EYS: variants seen among roughly 807,000 people sequenced by gnomAD.
The protein encoded by EYS is protein eyes shut homolog.
EYS carries 250 observed loss-of-function variants against 282.1 expected under a neutral mutation model. The ratio of observed to expected loss-of-function variants is 0.89; its 90% confidence interval spans 0.80 to 0.98. EYS has a LOEUF of 0.98. Ranked by LOEUF, EYS falls within the 50% of genes least tolerant of loss-of-function variation. The pLI, the probability that EYS is intolerant of heterozygous loss-of-function variation, is 0.00. For missense variants in EYS, 4,016 were observed against 3,709.0 expected, an observed-to-expected ratio of 1.08 and a Z score of -2.15; for synonymous variants, 1,355 against 1,282.9, an observed-to-expected ratio of 1.06 and a Z score of -1.20.
At chr6:64,781,203 CA>C (rs1378987297) in intron 22 of EYS, among the ~76,000 whole-genome samples, 2 of 151,156 alleles carry the variant, frequency 1.3e-5, no homozygotes, top group Admixed American at 6.6e-5. Flanking sequence ...AAATAATGAA[CA>C]TTTTTTTTAG....
intron 29 of EYS, among the ~76,000 whole-genome samples, chr6:64,337,042 C>T (rs1770879285): frequency 6.6e-6 from 1 of 152,042 alleles, no homozygotes; most frequent in African/African-American, 2.4e-5. Flanking sequence ...CACAAACTGA[C>T]ATTCTAAGGT....
intron 40 of EYS, among the ~76,000 whole-genome samples, chr6:63,769,671 T>A (rs568256667): frequency 3.6e-4 from 55 of 152,240 alleles, no homozygotes; most frequent in African/African-American, 1.3e-3. Context: ...ATATAGTTAA[T>A]TATTTTACTT....
At chr6:65,496,811 T>C (rs1159567648) in intron 2 of EYS, among the ~76,000 whole-genome samples, 2 of 152,104 alleles carry the variant, frequency 1.3e-5, no homozygotes, top group Non-Finnish European at 2.9e-5. Flanking sequence ...TAAAGATCAA[T>C]TAAATGTTGT....
At chr6:64,630,430 G>A (rs762629239) in intron 22 of EYS, among the ~76,000 whole-genome samples, 1 of 151,962 alleles carries the variant, frequency 6.6e-6, no homozygotes, top group Admixed American at 6.6e-5. Context: ...TTTATGAGTG[G>A]AAATTAAGTT....
intron 35 of EYS, among the ~76,000 whole-genome samples, chr6:63,922,242 A>T (rs963481172): frequency 6.6e-6 from 1 of 152,328 alleles, no homozygotes; most frequent in Non-Finnish European, 1.5e-5. Context: ...TAGATTTGTT[A>T]TTATAGATTA....
chr6:63,852,885 CAT>C (rs1309442936), intron 36 of EYS, among the ~76,000 whole-genome samples: 4 of 152,304 alleles, frequency 2.6e-5, no homozygotes, highest in East Asian at 1.9e-4. Context: ...CAAAAAACCA[CAT>C]GATTATCCCT....
intron 35 of EYS, among the ~76,000 whole-genome samples, chr6:63,883,044 T>A (rs909162489): frequency 1.3e-5 from 2 of 152,156 alleles, no homozygotes; most frequent in African/African-American, 4.8e-5. Flanking sequence ...CTACAAAAAA[T>A]TCCAAATATA....
intron 18 of EYS, among the ~76,000 whole-genome samples, chr6:64,893,473 A>G (rs1767356172): frequency 6.6e-6 from 1 of 152,094 alleles, no homozygotes; most frequent in Non-Finnish European, 1.5e-5. Flanking sequence ...TTGCTTTTAA[A>G]TGAGTTGGTA....
chr6:64,936,073 A>G (rs969147554), intron 15 of EYS, among the ~76,000 whole-genome samples: 4 of 151,648 alleles, frequency 2.6e-5, no homozygotes, highest in Non-Finnish European at 5.9e-5. Context: ...ATTCAGCAAC[A>G]TATACAAAGA....
rs537967226 is a variant in EYS, at chr6:65,002,655, G to A, written c.2138-4952C>T. On this transcript the variant is annotated intron_variant, in intron 13 of 42. Transcript: ENST00000503581. The stretch of plus-strand genomic sequence containing the variant: ...AAAGACAATAACATAACTTTCTATT[G>A]AAATGAGGTTTTATATGTAATTTTA... 1.1e-4 allele frequency among the ~76,000 whole-genome samples: 16 copies of A among 147,456 alleles called. 1 individual carries two copies. Among genetic ancestry groups the A allele is most frequent in the African/African-American group, 3.6e-4 (15 of 41,254 alleles).
rs553547663 is a variant in EYS, at chr6:64,061,056, C to T, written c.6725+5282G>A. Among the ~76,000 whole-genome samples the T allele has an allele frequency of 3.2e-3, 491 of 152,240 alleles. 2 individuals carry two copies. The highest frequency in any genetic ancestry group is 4.0e-3 in the Non-Finnish European group (270 of 68,000). On this transcript the variant is annotated intron_variant, in intron 33 of 42. Transcript: ENST00000503581. ...TAAATTATTAGGTATTAGGGTGTAC[C>T]TTCAATAGACATGGATAACTTTATA...
At chr6:64,585,099 A>G (rs1766192340) in intron 26 of EYS, among the ~76,000 whole-genome samples, 1 of 152,150 alleles carries the variant, frequency 6.6e-6, no homozygotes, top group African/African-American at 2.4e-5. Flanking sequence ...TGGACTGTAT[A>G]AAAGGTGGTG....
chr6:65,313,494 T>C (rs999277223), intron 11 of EYS, among the ~76,000 whole-genome samples: 1 of 151,068 alleles, frequency 6.6e-6, no homozygotes, highest in African/African-American at 2.4e-5. Context: ...CCAAATACGG[T>C]CTTTCTGCAG....
chr6:65,562,728 A>C (rs1769116031), intron 2 of EYS, among the ~76,000 whole-genome samples: 1 of 152,104 alleles, frequency 6.6e-6, no homozygotes, highest in Admixed American at 6.6e-5. Flanking sequence ...AATGAAATAA[A>C]TACTGTGTTA....
chr6:64,308,770 C>T (rs971179762), intron 29 of EYS, among the ~76,000 whole-genome samples: 100 of 152,116 alleles, frequency 6.6e-4, no homozygotes, highest in African/African-American at 2.4e-3. Context: ...CAAAGACTCT[C>T]ACCTGGTAAT....
intron 8 of EYS, among the ~76,000 whole-genome samples, chr6:65,374,897 T>A (rs1428702025): frequency 6.6e-6 from 1 of 152,016 alleles, no homozygotes; most frequent in African/African-American, 2.4e-5. Context: ...GGATTATAAA[T>A]AAAACTCCCA....
chr6:64,109,972 G>A (rs1038740044), intron 31 of EYS, among the ~76,000 whole-genome samples: 1 of 152,086 alleles, frequency 6.6e-6, no homozygotes, highest in Non-Finnish European at 1.5e-5. Flanking sequence ...TAATGGGATA[G>A]AAGAGTGCTT....
At chr6:64,282,541 C>A (rs1185378412) in intron 30 of EYS, among the ~76,000 whole-genome samples, 1 of 152,184 alleles carries the variant, frequency 6.6e-6, no homozygotes, top group Non-Finnish European at 1.5e-5. Flanking sequence ...ATGACTCCAG[C>A]TGCCAGGCTT....
At position 64,635,381 on chromosome 6, in the gene EYS, G is replaced by C. The variant is rs543527513; in HGVS notation, c.3444-9136C>G. Among the ~76,000 whole-genome samples, 887 of 152,266 alleles carry C rather than the reference G, an allele frequency of 5.8e-3. 10 individuals are homozygous for C. Among genetic ancestry groups the C allele is most frequent in the African/African-American group, 0.02 (831 of 41,546 alleles). On this transcript the variant is annotated intron_variant, in intron 22 of 42. Coordinates refer to ENST00000503581, the MANE Select transcript of EYS (RefSeq NM_001142800.2). ...TATGTTGAATAGGAGTGGTGAGAGA[G>C]GGCATCCCTGTCTTGTGCCGGTTTT...
Sources: gnomAD v4.1 joint callset for allele counts (sites outside exome capture counted in the v4.1 genomes callset) on GRCh38, gnomAD v4.1.1 for gene constraint, MANE v1.5 for transcripts, NCBI Gene and HGNC (gene_info 2026-07-23, HGNC 2026-07-21) for gene names.